CTNND2: variants seen among roughly 807,000 people sequenced by gnomAD.
CTNND2 encodes catenin delta 2.
Under a neutral mutation model 144.4 loss-of-function variants are expected in CTNND2, and 22 were observed. The observed-to-expected ratio is 0.15, with a 90% confidence interval of 0.11 to 0.22. CTNND2 has a LOEUF of 0.22. CTNND2 is among the 10% of genes least tolerant of loss of function. The pLI is 1.00. For synonymous variants in CTNND2, 751 were observed against 695.6 expected, an observed-to-expected ratio of 1.08 and a Z score of -1.25; for missense variants, 1,353 against 1,618.8, an observed-to-expected ratio of 0.84 and a Z score of 2.82.
chr5:11,063,320 A>G (rs1198811070), intron 16 of CTNND2, among the ~76,000 whole-genome samples: 3 of 152,200 alleles, frequency 2.0e-5, no homozygotes, highest in Non-Finnish European at 2.9e-5. Flanking sequence ...CATCTGGTGA[A>G]TGCATTTCCA....
intron 8 of CTNND2, among the ~76,000 whole-genome samples, chr5:11,351,380 T>C (rs769307637): frequency 1.4e-4 from 21 of 152,150 alleles, no homozygotes; most frequent in Non-Finnish European, 2.4e-4. Flanking sequence ...GTATCACTGG[T>C]CTCTTCGGGA....
intron 18 of CTNND2, among the ~76,000 whole-genome samples, chr5:11,003,213 G>T (rs1356920161): frequency 6.6e-6 from 1 of 152,006 alleles, no homozygotes; most frequent in Non-Finnish European, 1.5e-5. Context: ...GAGATATAAA[G>T]AAAAGTGTGG....
chr5:11,512,774 G>C (rs1156648149), intron 3 of CTNND2, among the ~76,000 whole-genome samples: 1 of 152,156 alleles, frequency 6.6e-6, no homozygotes, highest in Admixed American at 6.5e-5. Flanking sequence ...ATTTCTTCTG[G>C]CAACATCTTC....
At chr5:11,592,012 T>C (rs760117487) in intron 2 of CTNND2, among the ~76,000 whole-genome samples, 17 of 151,092 alleles carry the variant, frequency 1.1e-4, no homozygotes, top group Non-Finnish European at 2.2e-4. Flanking sequence ...TTTTCTCCTA[T>C]TGGGACTTGT....
chr5:11,211,835 TGAG>T (rs1383146665), intron 10 of CTNND2, among the ~76,000 whole-genome samples: 1 of 152,146 alleles, frequency 6.6e-6, no homozygotes, highest in Non-Finnish European at 1.5e-5. Context: ...TTGTAACAAA[TGAG>T]GAGTATTAAA....
At chr5:11,800,369 C>T (rs1447752744) in intron 1 of CTNND2, among the ~76,000 whole-genome samples, 2 of 152,038 alleles carry the variant, frequency 1.3e-5, no homozygotes, top group African/African-American at 2.4e-5. Context: ...CATAGAATAC[C>T]TGGAAACACA....
chr5:11,440,665 T>A lies in CTNND2; in HGVS notation c.288-28596A>T, dbSNP rs1764183533. ...GAAAATTCTCATAATACCAGCATTA[T>A]AAAATATATGTATCAGTGTTCATTG... On this transcript the variant is annotated intron_variant, in intron 3 of 21. Transcript: ENST00000304623. 4.6e-5 allele frequency among the ~76,000 whole-genome samples: 7 copies of A among 152,210 alleles called. No homozygotes were observed. The South Asian group carries it at 1.4e-3, about 31-fold the overall frequency.
chr5:11,408,752 C>T (rs1026390061), intron 5 of CTNND2, among the ~76,000 whole-genome samples: 2 of 152,062 alleles, frequency 1.3e-5, no homozygotes, highest in Admixed American at 1.3e-4. Flanking sequence ...TTTTTGAATA[C>T]ATATTGCAGG....
chr5:11,287,670 G>A (rs1187205470), intron 9 of CTNND2, among the ~76,000 whole-genome samples: 1 of 152,216 alleles, frequency 6.6e-6, no homozygotes, highest in Non-Finnish European at 1.5e-5. Context: ...ATAAAGGGAT[G>A]ATTTGAAAAG....
intron 3 of CTNND2, among the ~76,000 whole-genome samples, chr5:11,416,545 G>C (rs16901613): frequency 0.048 from 7,376 of 152,124 alleles, 425 homozygotes; most frequent in African/African-American, 0.13. Context: ...TTATGCAATT[G>C]CCTATTTTAT....
chr5:11,876,281 A>G (rs1160775528), intron 1 of CTNND2, among the ~76,000 whole-genome samples: 1 of 149,636 alleles, frequency 6.7e-6, no homozygotes, highest in Non-Finnish European at 1.5e-5. Context: ...AGGCGGGGAG[A>G]GGGGAGAGTG....
chr5:11,123,477 A>G lies in CTNND2; in HGVS notation c.2160-5910T>C, dbSNP rs149631569. 5.7e-4 allele frequency among the ~76,000 whole-genome samples: 87 copies of G among 152,254 alleles called. 1 individual carries two copies. In the East Asian group the frequency reaches 0.014, roughly 25 times the overall value. On this transcript the variant is annotated intron_variant, in intron 12 of 21. Transcript: ENST00000304623. ...CAGGGCTGCTGCTAACCATCCCACAATGCTCAGGACTGCCCCCACCACAAG... is the reference window on the plus strand; with the variant it reads ...CAGGGCTGCTGCTAACCATCCCACAGTGCTCAGGACTGCCCCCACCACAAG...
chr5:11,826,568 T>C (rs1335833387), intron 1 of CTNND2, among the ~76,000 whole-genome samples: 20 of 152,018 alleles, frequency 1.3e-4, no homozygotes, highest in Admixed American at 1.3e-3. Context: ...TGTCATATTA[T>C]ATTTAAAAAG....
intron 1 of CTNND2, among the ~76,000 whole-genome samples, chr5:11,772,430 T>C (rs1372642315): frequency 6.6e-6 from 1 of 152,166 alleles, no homozygotes; most frequent in Non-Finnish European, 1.5e-5. Context: ...ATGGGGTCCA[T>C]AGAAGAGCTC....
intron 2 of CTNND2, among the ~76,000 whole-genome samples, chr5:11,571,696 T>G (rs1220617038): frequency 6.6e-6 from 1 of 152,170 alleles, no homozygotes; most frequent in African/African-American, 2.4e-5. Flanking sequence ...GAGATTTTCC[T>G]GTGTAAATTG....
chr5:11,537,549 T>G (rs1219807944), intron 3 of CTNND2, among the ~76,000 whole-genome samples: 1 of 152,314 alleles, frequency 6.6e-6, no homozygotes, highest in Admixed American at 6.5e-5. Context: ...ACTAATATCC[T>G]ACAGGCATAG....
intron 12 of CTNND2, among the ~76,000 whole-genome samples, chr5:11,128,089 C>T (rs1462774904): frequency 6.6e-6 from 1 of 152,014 alleles, no homozygotes; most frequent in Non-Finnish European, 1.5e-5. Context: ...GGGAGACTTT[C>T]CCTATTTTGT....
chr5:11,852,323 A>G (rs1381727527), intron 1 of CTNND2, among the ~76,000 whole-genome samples: 1 of 152,230 alleles, frequency 6.6e-6, no homozygotes, highest in African/African-American at 2.4e-5. Flanking sequence ...AAAATCCACA[A>G]TCCTTGCTTA....
At chr5:11,849,272 T>C (rs377179067) in intron 1 of CTNND2, among the ~76,000 whole-genome samples, 21 of 152,190 alleles carry the variant, frequency 1.4e-4, no homozygotes, top group East Asian at 3.9e-4. Flanking sequence ...TAGGGGAAAC[T>C]GCCCCCATGA....
Sources: gnomAD v4.1 joint callset for allele counts (sites outside exome capture counted in the v4.1 genomes callset) on GRCh38, gnomAD v4.1.1 for gene constraint, MANE v1.5 for transcripts, NCBI Gene and HGNC (gene_info 2026-07-23, HGNC 2026-07-21) for gene names.